STYXL1: variants seen among roughly 807,000 people sequenced by gnomAD.
The protein encoded by STYXL1 is serine/threonine/tyrosine interacting like 1.
STYXL1 carries 32 observed loss-of-function variants against 36.4 expected under a neutral mutation model. That is an observed-to-expected ratio of 0.88 (90% CI 0.66 to 1.18). STYXL1 has a LOEUF of 1.18. Ranked by LOEUF, STYXL1 falls within the 50% of genes most tolerant of loss-of-function variation. The pLI, the probability that STYXL1 is intolerant of heterozygous loss-of-function variation, is 0.00. For missense variants in STYXL1, 354 were observed against 394.1 expected (o/e 0.90, Z 0.86); for synonymous variants, 133 against 144.1 (o/e 0.92, Z 0.55).
At chr7:76,029,768 C>T (rs1361462699) in intron 2 of STYXL1, among the ~76,000 whole-genome samples, 2 of 152,102 alleles carry the variant, frequency 1.3e-5, no homozygotes, top group Non-Finnish European at 2.9e-5. Context: ...ACTTAGATCC[C>T]TTGAATGCAC....
In STYXL1 at chr7:76,022,011, C is replaced by A. The variant is rs1794139293; in HGVS notation, c.166-19G>T. 1.9e-6 allele frequency: 3 copies of A among 1,597,176 alleles called. No homozygotes were observed. The highest frequency in any genetic ancestry group is 2.5e-6 in the Non-Finnish European group (3 of 1,178,038). ...TATTTTTCTTAAAAAAAAAAACACA[C>A]ACACACAAGAGAGGCCTGTTGGTGG... On this transcript the variant is annotated intron_variant, in intron 3 of 8. Transcript: ENST00000359697.
chr7:76,002,908 A>T (rs1554568265), intron 7 of STYXL1, among the ~76,000 whole-genome samples: 1 of 152,144 alleles, frequency 6.6e-6, no homozygotes, highest in African/African-American at 2.4e-5. Context: ...TGGGTGAACA[A>T]GCCAGACCCC....
At chr7:76,016,419 A>ATATATG (rs1554573960) in intron 4 of STYXL1, among the ~76,000 whole-genome samples, 1 of 147,000 alleles carries the variant, frequency 6.8e-6, no homozygotes, top group African/African-American at 2.7e-5. Context: ...ATCTATACGT[A>ATATATG]TACACATATA....
intron 4 of STYXL1, among the ~76,000 whole-genome samples, chr7:76,015,851 G>A (rs146069844): frequency 6.6e-6 from 1 of 152,304 alleles, no homozygotes; most frequent in Non-Finnish European, 1.5e-5. Flanking sequence ...TCAGCTGCCA[G>A]TACAGCTACA....
At chr7:76,002,247 C>T (rs1405387601) in intron 7 of STYXL1, among the ~76,000 whole-genome samples, 3 of 152,180 alleles carry the variant, frequency 2.0e-5, no homozygotes, top group African/African-American at 7.2e-5. Flanking sequence ...CTGTGCTGAG[C>T]CCAGTGCCTG....
At chr7:76,033,946 G>C (rs147964290) in intron 1 of STYXL1, among the ~76,000 whole-genome samples, 142 of 152,252 alleles carry the variant, frequency 9.3e-4, no homozygotes, top group African/African-American at 3.3e-3. Context: ...CCCCACCTCT[G>C]TAAAATGGGG....
chr7:76,026,329 G>T lies in STYXL1; in HGVS notation c.165+2313C>A, dbSNP rs1345276130. Among the ~76,000 whole-genome samples the T allele has an allele frequency of 9.3e-5, 14 of 151,032 alleles. 1 individual carries two copies. The South Asian group carries it at 2.7e-3, about 29-fold the overall frequency. ...TTTATTACTTTTGAGACAGGGTCTTGCTCTGTCGCCCAGGCTGGAGTGCAG... is the reference window on the plus strand; with the variant it reads ...TTTATTACTTTTGAGACAGGGTCTTTCTCTGTCGCCCAGGCTGGAGTGCAG... On this transcript the variant is annotated intron_variant, in intron 3 of 8. Transcript: ENST00000359697.
chr7:76,028,611 C>A (rs372415714), intron 3 of STYXL1, 31 bp downstream of exon 3: 1 of 1,610,108 alleles, frequency 6.2e-7, no homozygotes, highest in Non-Finnish European at 8.5e-7. Flanking sequence ...AGGTAGCCAG[C>A]CTGCCCCAGA....
chr7:76,001,418 G>C (rs1226971981), intron 7 of STYXL1, among the ~76,000 whole-genome samples: 1 of 152,208 alleles, frequency 6.6e-6, no homozygotes, highest in East Asian at 1.9e-4. Flanking sequence ...GCTTGGGCAA[G>C]TTACTTCCTT....
chr7:76,022,844 T>C (rs1355949349), intron 3 of STYXL1, among the ~76,000 whole-genome samples: 1 of 152,054 alleles, frequency 6.6e-6, no homozygotes, highest in Admixed American at 6.6e-5. Flanking sequence ...GGAGGATCGC[T>C]TGAGCCCTGG....
rs141762553 is a variant in STYXL1, at chr7:76,028,698, G to A, written c.109C>T (p.Arg37Cys). The stretch of plus-strand genomic sequence containing the variant: ...CTTTCGTCATACTCCCATTTGGAAC[G>A]GACATCTGGAAAGGAAACGTATTTA... ...DPNYLCLLDV[R>C]SKWEYDESHV... Residue 37 changes from arginine (R) to cysteine (C), a missense_variant, in exon 3 of 9, where the codon CGT becomes TGT. Coordinates refer to ENST00000359697, the MANE Select transcript of STYXL1 (RefSeq NM_001317785.2). The A allele has an allele frequency of 1.4e-4, 230 of 1,613,888 alleles. No homozygotes were observed. The highest frequency in any genetic ancestry group is 1.7e-4 in the Non-Finnish European group (205 of 1,179,924).
intron 4 of STYXL1, among the ~76,000 whole-genome samples, chr7:76,015,982 G>T (rs1793254956): frequency 6.6e-6 from 1 of 152,096 alleles, no homozygotes; most frequent in African/African-American, 2.4e-5. Context: ...TTCAGCTTTG[G>T]GACTCACACT....
At chr7:76,004,562 G>A (rs144238075) in intron 6 of STYXL1, among the ~76,000 whole-genome samples, 14 of 152,180 alleles carry the variant, frequency 9.2e-5, no homozygotes, top group Middle Eastern at 6.8e-3. Flanking sequence ...AAAATTAGCC[G>A]GGTATGATGG....
chr7:76,005,398 C>T lies in STYXL1; in HGVS notation c.460G>A (p.Asp154Asn), dbSNP rs1554569844. The change falls in exon 6 of 9, where the codon GAT (aspartate) becomes AAT (asparagine). Residue 154 changes from aspartate (D) to asparagine (N), a missense_variant. Coordinates refer to ENST00000359697, the MANE Select transcript of STYXL1 (RefSeq NM_001317785.2). The stretch of plus-strand genomic sequence containing the variant: ...TCAATGGGGTATGGCTGAAATGCAT[C>T]CAGTTCCTGAAGTGTGGAGGGAGAA... ...QKIIWMPQEL[D>N]AFQPYPIEIV... The T allele has an allele frequency of 6.2e-7, 1 of 1,611,520 alleles. No individual in the cohort carries two copies. The highest frequency in any genetic ancestry group is 1.3e-5 in the African/African-American group (1 of 74,980).
chr7:76,022,385 T>A (rs1324871000), intron 3 of STYXL1, among the ~76,000 whole-genome samples: 4 of 151,876 alleles, frequency 2.6e-5, no homozygotes, highest in Non-Finnish European at 4.4e-5. Context: ...CCAGACTGGA[T>A]GCAGTGGTTT....
intron 6 of STYXL1, 86 bp downstream of exon 6, chr7:76,005,173 T>C: frequency 2.3e-6 from 2 of 880,456 alleles, no homozygotes; most frequent in Non-Finnish European, 2.9e-6. Flanking sequence ...GTAATAATAA[T>C]AAAATTAAAA....
intron 6 of STYXL1, 108 bp from the exon 7 acceptor site, chr7:76,003,963 T>C (rs535038807): frequency 3.2e-6 from 3 of 942,374 alleles, no homozygotes; most frequent in South Asian, 2.9e-5. Flanking sequence ...GCTGAGCTTG[T>C]GTAAGGGGGA....
At chr7:76,009,081 T>G (rs928866265) in intron 5 of STYXL1, among the ~76,000 whole-genome samples, 2 of 152,162 alleles carry the variant, frequency 1.3e-5, no homozygotes, top group African/African-American at 4.8e-5. Context: ...CCTGCTGTTT[T>G]TAAACCAGCT....
At chr7:76,000,833 C>G in intron 8 of STYXL1, 57 bp downstream of exon 8, 1 of 1,521,306 alleles carries the variant, frequency 6.6e-7, no homozygotes, top group Admixed American at 1.7e-5. Flanking sequence ...AGGTTGCGCT[C>G]TGACCTCACC....
Sources: allele counts gnomAD v4.1 joint callset (sites outside exome capture counted in the v4.1 genomes callset), GRCh38; gene constraint gnomAD v4.1.1; transcripts MANE v1.5; gene names NCBI Gene and HGNC (gene_info 2026-07-23, HGNC 2026-07-21).